IMMP2L: variants seen among roughly 807,000 people sequenced by gnomAD.
The protein encoded by IMMP2L is inner mitochondrial membrane peptidase subunit 2, also known as mitochondrial inner membrane protease subunit 2.
In IMMP2L, 18 loss-of-function variants were observed where a neutral mutation model predicts 19.3. The ratio of observed to expected loss-of-function variants is 0.93; its 90% CI spans 0.64 to 1.38. The LOEUF (loss-of-function observed/expected upper bound fraction) is 1.38. Ranked by LOEUF, IMMP2L falls within the 40% of genes most tolerant of loss-of-function variation. IMMP2L has a pLI of 0.00. For synonymous variants in IMMP2L, 76 were observed against 73.0 expected, an observed-to-expected ratio of 1.04 and a Z score of -0.21; for missense variants, 233 against 218.2, an observed-to-expected ratio of 1.07 and a Z score of -0.43.
At chr7:110,858,875 T>C (rs1315356492) in intron 5 of IMMP2L, among the ~76,000 whole-genome samples, 2 of 152,046 alleles carry the variant, frequency 1.3e-5, no homozygotes, top group African/African-American at 2.4e-5. Context: ...GTCCTTGTGA[T>C]AGTTTACTGA....
intron 3 of IMMP2L, among the ~76,000 whole-genome samples, chr7:111,018,951 T>TA (rs11437710): frequency 0.14 from 21,636 of 151,814 alleles, 1,973 homozygotes; most frequent in African/African-American, 0.26. Context: ...ATCAGTTAAT[T>TA]AAGACAAATT....
At chr7:111,216,218 T>C (rs1168016978) in intron 3 of IMMP2L, among the ~76,000 whole-genome samples, 4 of 152,276 alleles carry the variant, frequency 2.6e-5, no homozygotes, top group East Asian at 1.9e-4. Flanking sequence ...TAGATATTCA[T>C]TGAGATAGTC....
intron 5 of IMMP2L, among the ~76,000 whole-genome samples, chr7:110,862,545 T>C (rs1298579459): frequency 6.6e-6 from 1 of 151,168 alleles, no homozygotes; most frequent in Non-Finnish European, 1.5e-5. Context: ...AGGGTTTCAG[T>C]GTGTTGCGCA....
chr7:111,169,890 C>A (rs1806237459), intron 3 of IMMP2L, among the ~76,000 whole-genome samples: 1 of 151,830 alleles, frequency 6.6e-6, no homozygotes, highest in Admixed American at 6.6e-5. Flanking sequence ...TGGTTCTCTT[C>A]TTTTATTGTC....
chr7:111,321,077 C>T (rs971820295), intron 3 of IMMP2L, among the ~76,000 whole-genome samples: 2 of 151,842 alleles, frequency 1.3e-5, no homozygotes, highest in African/African-American at 4.8e-5. Context: ...CTCCAATCTG[C>T]CCAATGGAAA....
intron 5 of IMMP2L, among the ~76,000 whole-genome samples, chr7:110,696,277 G>C (rs890760680): frequency 6.6e-6 from 1 of 152,112 alleles, no homozygotes; most frequent in Admixed American, 6.5e-5. Flanking sequence ...TCTAAGTAGT[G>C]AGTGACATGA....
chr7:111,024,812 A>C (rs1826651685), intron 3 of IMMP2L, among the ~76,000 whole-genome samples: 1 of 152,202 alleles, frequency 6.6e-6, no homozygotes, highest in Admixed American at 6.5e-5. Context: ...AAAATAGCAG[A>C]GAGAAGATAC....
intron 4 of IMMP2L, among the ~76,000 whole-genome samples, chr7:110,958,584 A>G (rs1031610472): frequency 6.6e-6 from 1 of 152,002 alleles, no homozygotes; most frequent in East Asian, 1.9e-4. Context: ...GGGATGTCTC[A>G]TCTTATCTGT....
At chr7:110,935,964 A>C (rs1401954279) in intron 4 of IMMP2L, among the ~76,000 whole-genome samples, 1 of 152,194 alleles carries the variant, frequency 6.6e-6, no homozygotes, top group Non-Finnish European at 1.5e-5. Context: ...TTCCCTATTT[A>C]ATAAATGGTG....
At chr7:111,324,840 A>AT (rs958818784) in intron 3 of IMMP2L, among the ~76,000 whole-genome samples, 10 of 151,746 alleles carry the variant, frequency 6.6e-5, no homozygotes, top group African/African-American at 2.4e-4. Flanking sequence ...CACACCAAAG[A>AT]TTTTTTTTGA....
chr7:110,963,045 G>C (rs1819135090), intron 4 of IMMP2L: 9 of 1,526,168 alleles, frequency 5.9e-6, no homozygotes, highest in Non-Finnish European at 7.9e-6. Flanking sequence ...TCTTGTCACT[G>C]ATTCGGAAGT....
At chr7:111,491,524 T>C (rs1293143579) in intron 2 of IMMP2L, among the ~76,000 whole-genome samples, 1 of 152,166 alleles carries the variant, frequency 6.6e-6, no homozygotes, top group East Asian at 1.9e-4. Flanking sequence ...CTGTACTCTC[T>C]ACCCCCAGGT....
chr7:110,937,296 T>G (rs1429943939), intron 4 of IMMP2L, among the ~76,000 whole-genome samples: 2 of 152,144 alleles, frequency 1.3e-5, no homozygotes, highest in Non-Finnish European at 2.9e-5. Flanking sequence ...AGGGTGGTGA[T>G]GTGAATATAT....
chr7:111,490,889 G>A (rs1216863413), intron 2 of IMMP2L, among the ~76,000 whole-genome samples: 1 of 151,966 alleles, frequency 6.6e-6, no homozygotes, highest in Non-Finnish European at 1.5e-5. Flanking sequence ...AAATATAGTT[G>A]ACCCTTGAAT....
At chr7:111,315,264 G>A (rs1823933958) in intron 3 of IMMP2L, among the ~76,000 whole-genome samples, 2 of 152,052 alleles carry the variant, frequency 1.3e-5, no homozygotes, top group South Asian at 4.1e-4. Flanking sequence ...GCAGAGAGAA[G>A]TCCAAATAAC....
chr7:111,250,233 ACCACTG>A (rs1815933379), intron 3 of IMMP2L, among the ~76,000 whole-genome samples: 1 of 152,140 alleles, frequency 6.6e-6, no homozygotes, highest in Non-Finnish European at 1.5e-5. Flanking sequence ...AGAACTACAA[ACCACTG>A]CTCCAAGAAA....
chr7:111,258,460 A>C (rs1299808726), intron 3 of IMMP2L, among the ~76,000 whole-genome samples: 1 of 152,156 alleles, frequency 6.6e-6, no homozygotes, highest in Non-Finnish European at 1.5e-5. Flanking sequence ...ATATATATTA[A>C]TACCATTTAA....
At chr7:111,113,098 A>G (rs1024275831) in intron 3 of IMMP2L, among the ~76,000 whole-genome samples, 2 of 152,216 alleles carry the variant, frequency 1.3e-5, no homozygotes, top group African/African-American at 2.4e-5. Context: ...GAGTTCCTTC[A>G]GAGTAATGTT....
chr7:111,059,335 T>C (rs113137216), intron 3 of IMMP2L, among the ~76,000 whole-genome samples: 8 of 152,270 alleles, frequency 5.3e-5, no homozygotes, highest in Admixed American at 2.0e-4. Flanking sequence ...CCATGTAAAA[T>C]AGGACCATAA....
Sources: gnomAD v4.1 joint callset for allele counts (sites outside exome capture counted in the v4.1 genomes callset) on GRCh38, gnomAD v4.1.1 for gene constraint, MANE v1.5 for transcripts, NCBI Gene and HGNC (gene_info 2026-07-23, HGNC 2026-07-21) for gene names.